EPM2A: variants seen among roughly 807,000 people sequenced by gnomAD.
EPM2A encodes laforin.
Under a neutral mutation model 26.5 loss-of-function variants are expected in EPM2A, and 21 were observed. That is an observed-to-expected ratio of 0.79 (90% CI 0.56 to 1.14). EPM2A has a LOEUF of 1.14. Among genes scored for constraint, EPM2A ranks in the 50% most tolerant of loss-of-function variants. EPM2A has a pLI of 0.00. For missense variants in EPM2A, 458 were observed against 440.8 expected, an observed-to-expected ratio of 1.04 and a Z score of -0.35; for synonymous variants, 217 against 177.6, an observed-to-expected ratio of 1.22 and a Z score of -1.76.
intron 1 of EPM2A, among the ~76,000 whole-genome samples, chr6:145,710,301 G>A (rs1431710130): frequency 6.6e-6 from 1 of 152,122 alleles, no homozygotes; most frequent in Non-Finnish European, 1.5e-5. Flanking sequence ...ATCAAAACAA[G>A]TAGGCGAAGG....
intron 4 of EPM2A, among the ~76,000 whole-genome samples, chr6:145,466,625 C>T (rs966377023): frequency 1.3e-5 from 2 of 152,048 alleles, no homozygotes; most frequent in Non-Finnish European, 2.9e-5. Context: ...CCATTTGACC[C>T]AGCCATCCCA....
intron 2 of EPM2A, among the ~76,000 whole-genome samples, chr6:145,537,589 T>G (rs952520572): frequency 4.6e-5 from 7 of 151,840 alleles, no homozygotes; most frequent in African/African-American, 9.7e-5. Flanking sequence ...AGGTTTTTTT[T>G]TTTTTTTTTT....
Position 145,735,290 on chromosome 6 carries a change from T to C in EPM2A, c.209A>G (p.Glu70Gly). The C allele has an allele frequency of 6.9e-7, 1 of 1,452,894 alleles. No homozygotes were observed. The highest frequency in any genetic ancestry group is 1.3e-5 in the South Asian group (1 of 79,460). The allele number at this position is 1,452,894 out of a possible 1,614,324, so 90.0% of individuals were successfully genotyped here. ...WLGEVELAAE[E>G]AAQDGAEPGR... The stretch of plus-strand genomic sequence containing the variant: ...CGGCTCCGCCCCGTCCTGCGCCGCC[T>C]CCTCGGCCGCCAGCTCCACCTCCCC... The change falls in exon 1 of 4, where the codon GAG becomes GGG. Residue 70 changes from glutamate to glycine, a missense_variant. Coordinates refer to ENST00000367519, the MANE Select transcript of EPM2A (RefSeq NM_005670.4).
At chr6:145,695,140 CTT>C (rs1781499614) in intron 1 of EPM2A, among the ~76,000 whole-genome samples, 1 of 151,896 alleles carries the variant, frequency 6.6e-6, no homozygotes, top group Admixed American at 6.6e-5. Context: ...AAGTTGCCAA[CTT>C]TGACATCAAA....
chr6:145,707,207 A>T (rs1304335170), intron 1 of EPM2A, among the ~76,000 whole-genome samples: 1 of 152,222 alleles, frequency 6.6e-6, no homozygotes, highest in Admixed American at 6.5e-5. Flanking sequence ...TGGTTTCCAT[A>T]TTATTACACC....
intron 4 of EPM2A, among the ~76,000 whole-genome samples, chr6:145,417,945 C>G (rs1330805336): frequency 3.3e-5 from 5 of 152,266 alleles, no homozygotes; most frequent in Middle Eastern, 6.8e-3. Flanking sequence ...ACCCCATCAC[C>G]AAGATGGAAA....
chr6:145,432,786 T>C (rs1778939051), intron 4 of EPM2A, among the ~76,000 whole-genome samples: 1 of 152,214 alleles, frequency 6.6e-6, no homozygotes, highest in Non-Finnish European at 1.5e-5. Context: ...TTCATCTACA[T>C]TGAAAATATG....
intron 2 of EPM2A, among the ~76,000 whole-genome samples, chr6:145,569,669 T>C (rs1780929742): frequency 1.3e-5 from 2 of 152,194 alleles, no homozygotes; most frequent in South Asian, 2.1e-4. Flanking sequence ...AGTTTTTGCA[T>C]TTATATGGCC....
chr6:145,431,972 T>C (rs1778927516), intron 4 of EPM2A, among the ~76,000 whole-genome samples: 1 of 152,214 alleles, frequency 6.6e-6, no homozygotes, highest in Non-Finnish European at 1.5e-5. Context: ...CAGGAAGAGA[T>C]ACCATCTCAG....
At chr6:145,407,432 CA>C (rs1778583855) in intron 4 of EPM2A, among the ~76,000 whole-genome samples, 1 of 152,022 alleles carries the variant, frequency 6.6e-6, no homozygotes, top group Admixed American at 6.6e-5. Context: ...AATAATATTT[CA>C]AAGGGTTATC....
chr6:145,683,313 G>GTA (rs1554263050), intron 2 of EPM2A, among the ~76,000 whole-genome samples: 6 of 147,372 alleles, frequency 4.1e-5, no homozygotes, highest in East Asian at 2.2e-4. Flanking sequence ...GTGTGAGTGT[G>GTA]TATATATTAG....
At chr6:145,577,440 A>G (rs1781047744) in intron 2 of EPM2A, among the ~76,000 whole-genome samples, 1 of 152,076 alleles carries the variant, frequency 6.6e-6, no homozygotes, top group Non-Finnish European at 1.5e-5. Context: ...AACTATGAAA[A>G]GAGACAAAAA....
intron 2 of EPM2A, among the ~76,000 whole-genome samples, chr6:145,505,109 G>T (rs1462646964): frequency 8.6e-6 from 1 of 115,844 alleles, no homozygotes; most frequent in South Asian, 3.6e-4. Context: ...GTGGGGGGAG[G>T]GGGGAGGGAT....
intron 1 of EPM2A, among the ~76,000 whole-genome samples, chr6:145,698,610 GAAA>G (rs200938162): frequency 1.4e-5 from 2 of 145,062 alleles, no homozygotes; most frequent in African/African-American, 5.1e-5. Context: ...AAACATAATA[GAAA>G]AAAAAAAAAC....
intron 2 of EPM2A, among the ~76,000 whole-genome samples, chr6:145,597,088 G>A (rs2128549218): frequency 6.6e-6 from 1 of 151,080 alleles, no homozygotes; most frequent in South Asian, 2.1e-4. Flanking sequence ...TAGAGACGGG[G>A]TTTCACCTTG....
chr6:145,517,399 A>G (rs408723), intron 2 of EPM2A, among the ~76,000 whole-genome samples: 68,391 of 151,936 alleles, frequency 0.45, 15,432 homozygotes, highest in South Asian at 0.58. Context: ...ACAAACAAAC[A>G]AAAAGGGTCA....
rs144566857 is a variant in EPM2A at position 145,587,362 on chromosome 6, C to T, written c.340+47883G>A. On this transcript the variant is annotated intron_variant, in intron 2 of 3. Coordinates refer to the EPM2A transcript ENST00000450221. ...CAAATGGTTCAGAATATATGAATTA[C>T]TAATATGCCTTGAAGTGTTATTCCT... Among the ~76,000 whole-genome samples, 206 of 152,238 alleles carry T rather than the reference C, an allele frequency of 1.4e-3. 1 individual carries two copies. The highest frequency in any genetic ancestry group is 2.5e-3 in the Non-Finnish European group (167 of 68,010).
At chr6:145,668,039 A>G (rs1779358008) in intron 2 of EPM2A, among the ~76,000 whole-genome samples, 1 of 143,738 alleles carries the variant, frequency 7.0e-6, no homozygotes, top group African/African-American at 2.6e-5. Context: ...GGGGAGGGAT[A>G]GCATTGGGAG....
chr6:145,397,583 C>A (rs1454598602), intron 4 of EPM2A, among the ~76,000 whole-genome samples: 1 of 152,188 alleles, frequency 6.6e-6, no homozygotes, highest in East Asian at 1.9e-4. Context: ...AGGCATCAAC[C>A]ACCACAAGGT....
Sources: gnomAD v4.1 joint callset for allele counts (sites outside exome capture counted in the v4.1 genomes callset) on GRCh38, gnomAD v4.1.1 for gene constraint, MANE v1.5 for transcripts, NCBI Gene and HGNC (gene_info 2026-07-23, HGNC 2026-07-21) for gene names.